The following PLIN3 variants were observed in gnomAD, a reference collection of about 807,000 sequenced individuals.
PLIN3 encodes the protein perilipin 3, also known as perilipin-3.
Under a neutral mutation model 35.9 loss-of-function variants are expected in PLIN3, and 30 were observed. The ratio of observed to expected loss-of-function variants is 0.84; its 90% confidence interval spans 0.62 to 1.13. PLIN3 has a LOEUF of 1.13. Among genes scored for constraint, PLIN3 ranks in the 50% most tolerant of loss-of-function variants. PLIN3 has a pLI of 0.00. For missense variants in PLIN3, 603 were observed against 596.9 expected, an observed-to-expected ratio of 1.01 and a Z score of -0.11; for synonymous variants, 261 against 262.5, an observed-to-expected ratio of 0.99 and a Z score of 0.06.
In PLIN3 at chr19:4,865,157, A is replaced by G. The variant is rs151104537; in HGVS notation, c.-18+2452T>C. Among the ~76,000 whole-genome samples, 12 of 150,118 alleles carry G rather than the reference A, an allele frequency of 8.0e-5. No homozygotes were observed. The East Asian group carries it at 2.2e-3, about 27-fold the overall frequency. ...CAGTAAGCCAAGACTGCGCCACTAC[A>G]CTCCAGCCTGGGTGACAGAGGAAGA... On this transcript the variant is annotated intron_variant, in intron 1 of 7. Transcript: ENST00000221957.
At chr19:4,863,094 T>G (rs898576637) in intron 1 of PLIN3, among the ~76,000 whole-genome samples, 2 of 151,302 alleles carry the variant, frequency 1.3e-5, no homozygotes, top group African/African-American at 4.9e-5. Context: ...GAGGCGGAGG[T>G]TGCAGTGAGG....
rs879447864 is a variant in PLIN3 at position 4,858,544 on chromosome 19, A to AT, written c.348+1045dup. 3.0e-3 allele frequency among the ~76,000 whole-genome samples: 435 copies of AT among 143,592 alleles called. 1 individual carries two copies. Among genetic ancestry groups the AT allele is most frequent in the African/African-American group, 9.7e-3 (381 of 39,278 alleles). The allele number at this position is 143,592 out of a possible 152,430, so 94.2% of individuals were successfully genotyped here. Reference sequence around the variant, plus strand: ...AGGCACACGCCACCACGCCAAGCTAATTTTTTTTTTTGTAGTTTTAGTAGA... The same window carrying AT: ...AGGCACACGCCACCACGCCAAGCTAATTTTTTTTTTTTGTAGTTTTAGTAGA... On this transcript the variant is annotated intron_variant, in intron 4 of 7. Transcript: ENST00000221957.
chr19:4,855,629 T>C (rs895170430), intron 4 of PLIN3, among the ~76,000 whole-genome samples: 1 of 152,114 alleles, frequency 6.6e-6, no homozygotes, highest in Non-Finnish European at 1.5e-5. Context: ...AGTCTCGCTC[T>C]GTTGTTCTGA....
chr19:4,849,749 T>C (rs1164554280), intron 5 of PLIN3, among the ~76,000 whole-genome samples: 2 of 151,844 alleles, frequency 1.3e-5, no homozygotes, highest in African/African-American at 4.8e-5. Flanking sequence ...GCCTCCCGGG[T>C]TCAAGTGATT....
At chr19:4,847,094 T>C (rs1196402260) in intron 6 of PLIN3, among the ~76,000 whole-genome samples, 1 of 151,980 alleles carries the variant, frequency 6.6e-6, no homozygotes, top group Admixed American at 6.6e-5. Context: ...TTCACCATGT[T>C]GGCCAGGCTG....
chr19:4,846,597 G>A (rs1333721114), intron 6 of PLIN3, among the ~76,000 whole-genome samples: 4 of 152,032 alleles, frequency 2.6e-5, no homozygotes, highest in Non-Finnish European at 4.4e-5. Flanking sequence ...TACTCGGGAC[G>A]TGGAGGCCCA....
At chr19:4,851,630 C>T (rs899993406) in intron 5 of PLIN3, among the ~76,000 whole-genome samples, 3 of 151,388 alleles carry the variant, frequency 2.0e-5, no homozygotes, top group Non-Finnish European at 2.9e-5. Context: ...TATGCAGGAG[C>T]GGAGTGGCGA....
At chr19:4,855,318 C>T (rs1441736840) in intron 4 of PLIN3, among the ~76,000 whole-genome samples, 1 of 150,184 alleles carries the variant, frequency 6.7e-6, no homozygotes, top group East Asian at 2.0e-4. Context: ...AGAATTCACC[C>T]TGAGCTTATC....
intron 1 of PLIN3, among the ~76,000 whole-genome samples, chr19:4,863,017 C>T (rs1456271400): frequency 6.6e-6 from 1 of 151,606 alleles, no homozygotes; most frequent in East Asian, 2.0e-4. Context: ...ATTAGCCAGG[C>T]ATGATGGTGG....
intron 7 of PLIN3, among the ~76,000 whole-genome samples, chr19:4,841,153 A>G (rs773796104): frequency 6.6e-6 from 1 of 152,198 alleles, no homozygotes; most frequent in African/African-American, 2.4e-5. Context: ...AAACGGAAAC[A>G]TACGTCCACA....
chr19:4,859,056 A>G (rs2030578072), intron 4 of PLIN3, among the ~76,000 whole-genome samples: 1 of 152,156 alleles, frequency 6.6e-6, no homozygotes, highest in Non-Finnish European at 1.5e-5. Flanking sequence ...TTTCTGACTA[A>G]TAAGTTATGG....
chr19:4,841,775 G>A (rs1340714385), intron 7 of PLIN3, among the ~76,000 whole-genome samples: 1 of 151,210 alleles, frequency 6.6e-6, no homozygotes, highest in African/African-American at 2.4e-5. Context: ...CATGGTGGCG[G>A]GAGCCTGTAG....
chr19:4,846,535 C>T (rs182392058), intron 6 of PLIN3, among the ~76,000 whole-genome samples: 69 of 151,722 alleles, frequency 4.5e-4, no homozygotes, highest in African/African-American at 1.5e-3. Context: ...CCCATCTCTA[C>T]TAAAAATACA....
chr19:4,860,340 G>A (rs140232430), intron 2 of PLIN3, among the ~76,000 whole-genome samples: 269 of 152,156 alleles, frequency 1.8e-3, no homozygotes, highest in African/African-American at 5.7e-3. Flanking sequence ...CTGAGTAGCT[G>A]GGATTACGGG....
At chr19:4,855,465 C>G (rs540186096) in intron 4 of PLIN3, among the ~76,000 whole-genome samples, 1 of 152,024 alleles carries the variant, frequency 6.6e-6, no homozygotes, top group African/African-American at 2.4e-5. Context: ...TCCATCCCCC[C>G]TCAGCCAAGC....
intron 7 of PLIN3, 27 bp downstream of exon 7, chr19:4,844,641 G>A (rs752858128): frequency 3.3e-6 from 5 of 1,509,016 alleles, no homozygotes; most frequent in Middle Eastern, 2.1e-4. Flanking sequence ...AGTACCCTAG[G>A]CCACCCCCCA....
chr19:4,852,836 T>C (rs2030347521), intron 4 of PLIN3, among the ~76,000 whole-genome samples: 1 of 151,640 alleles, frequency 6.6e-6, no homozygotes. Flanking sequence ...GTTGTTGAGA[T>C]GGAGTTTCAC....
intron 7 of PLIN3, among the ~76,000 whole-genome samples, chr19:4,841,541 G>C (rs2029891440): frequency 6.6e-6 from 1 of 151,718 alleles, no homozygotes; most frequent in African/African-American, 2.4e-5. Context: ...CTGAGAACCA[G>C]CGATGTGTAT....
intron 2 of PLIN3, 88 bp downstream of exon 2, chr19:4,861,241 G>A (rs2030664183): frequency 2.7e-6 from 3 of 1,127,624 alleles, no homozygotes; most frequent in South Asian, 2.5e-5. Flanking sequence ...CAGATCCCTG[G>A]CTCCCTGCCA....
Sources: allele counts gnomAD v4.1 joint callset (sites outside exome capture counted in the v4.1 genomes callset), GRCh38; gene constraint gnomAD v4.1.1; transcripts MANE v1.5; gene names NCBI Gene and HGNC (gene_info 2026-07-23, HGNC 2026-07-21).